AGPAT5: variants seen among roughly 807,000 people sequenced by gnomAD.
AGPAT5 encodes 1-acylglycerol-3-phosphate O-acyltransferase 5.
AGPAT5 carries 46 observed loss-of-function variants against 45.6 expected under a neutral mutation model. The ratio of observed to expected loss-of-function variants is 1.01; its 90% CI spans 0.80 to 1.29. The LOEUF is 1.29. AGPAT5 is among the 50% of genes most tolerant of loss of function. The pLI is 0.00. For missense variants in AGPAT5, 673 were observed against 450.7 expected (o/e 1.49, Z -4.47); for synonymous variants, 272 against 167.0 (o/e 1.63, Z -4.85).
intron 4 of AGPAT5, among the ~76,000 whole-genome samples, chr8:6,737,894 T>G (rs548049039): frequency 4.6e-5 from 7 of 152,338 alleles, no homozygotes; most frequent in South Asian, 4.1e-4. Context: ...TGCTAGCTTC[T>G]AAGTTTTTTC....
chr8:6,741,431 C>G, intron 4 of AGPAT5, among the ~76,000 whole-genome samples: 1 of 152,204 alleles, frequency 6.6e-6, no homozygotes, highest in African/African-American at 2.4e-5. Context: ...TCATGGCTGA[C>G]CTACCAATGA....
rs1801972207 is a variant in AGPAT5 at position 6,759,845 on chromosome 8, A to G, written c.*2457A>G. ...TTAAGCAGTATATTAGTTTGGTTATATAAATTCATCTGCAATTTATAAGAT... is the reference window on the plus strand; with the variant it reads ...TTAAGCAGTATATTAGTTTGGTTATGTAAATTCATCTGCAATTTATAAGAT... On this transcript the variant is annotated 3_prime_UTR_variant, in exon 8 of 8. Coordinates refer to ENST00000285518, the MANE Select transcript of AGPAT5 (RefSeq NM_018361.5). Among the ~76,000 whole-genome samples, 1 of 152,242 alleles carries G rather than the reference A, an allele frequency of 6.6e-6. No homozygotes were observed. Among genetic ancestry groups the G allele is most frequent in the Non-Finnish European group, 1.5e-5 (1 of 68,036 alleles).
chr8:6,725,799 G>A (rs566289404), intron 2 of AGPAT5, among the ~76,000 whole-genome samples: 15 of 152,220 alleles, frequency 9.9e-5, no homozygotes, highest in Middle Eastern at 3.4e-3. Flanking sequence ...GATCAATATA[G>A]TACTCTTAAG....
At chr8:6,733,882 T>G (rs1800949720) in intron 4 of AGPAT5, among the ~76,000 whole-genome samples, 1 of 152,224 alleles carries the variant, frequency 6.6e-6, no homozygotes, top group African/African-American at 2.4e-5. Context: ...TGGGTGATGT[T>G]GGCATCCTAT....
In AGPAT5 at chr8:6,755,637, T is replaced by G. The variant is rs374736505; in HGVS notation, c.869+463T>G. ...TTTGTTGGAAATAGAAGGGGGCAGT[T>G]GACAGCGTTATATCCAAAGTGTCTT... On this transcript the variant is annotated intron_variant, in intron 7 of 7. Coordinates refer to ENST00000285518, the MANE Select transcript of AGPAT5 (RefSeq NM_018361.5). Among the ~76,000 whole-genome samples, 15 of 152,342 alleles carry G rather than the reference T, an allele frequency of 9.8e-5. No individual in the cohort carries two copies. In the East Asian group the frequency reaches 1.9e-3, roughly 20 times the overall value.
At chr8:6,716,357 G>A (rs780656054) in intron 1 of AGPAT5, among the ~76,000 whole-genome samples, 8 of 151,928 alleles carry the variant, frequency 5.3e-5, no homozygotes, top group South Asian at 2.1e-4. Flanking sequence ...TCAGGCATTC[G>A]AGACCAGTCT....
chr8:6,741,046 A>G (rs1801229958), intron 4 of AGPAT5, among the ~76,000 whole-genome samples: 1 of 152,172 alleles, frequency 6.6e-6, no homozygotes, highest in Non-Finnish European at 1.5e-5. Flanking sequence ...TTGATTACTT[A>G]TTAAACGTCC....
rs756652472 is a variant in AGPAT5, at chr8:6,730,767, C to T, written c.346C>T (p.Arg116Cys). 12 of 1,613,382 alleles carry T rather than the reference C, an allele frequency of 7.4e-6. No individual in the cohort carries two copies. Among genetic ancestry groups the T allele is most frequent in the Admixed American group, 3.3e-5 (2 of 59,958 alleles). The stretch of plus-strand genomic sequence containing the variant: ...CAGGCAGAATGCGCTAGGACATGTG[C>T]GCTACGTGCTGAAAGAAGGGTTAAA... ...AIRQNALGHV[R>C]YVLKEGLKWL... The change falls in exon 3 of 8, where the codon CGC becomes TGC. Residue 116 changes from arginine (R) to cysteine (C), a missense_variant. Transcript: ENST00000285518.
chr8:6,712,133 A>G (rs1800176015), intron 1 of AGPAT5, among the ~76,000 whole-genome samples: 1 of 152,158 alleles, frequency 6.6e-6, no homozygotes, highest in African/African-American at 2.4e-5. Flanking sequence ...TTTACGTATT[A>G]AAGCATTTTG....
rs1170205124 is a variant in AGPAT5 at position 6,760,964 on chromosome 8, A to C, written c.*3576A>C. On this transcript the variant is annotated 3_prime_UTR_variant, in exon 8 of 8. Coordinates refer to ENST00000285518, the MANE Select transcript of AGPAT5 (RefSeq NM_018361.5). ...ATTTACTCAGTTTAGAGTAGCTACA[A>C]CTCTTCGATACTATCATCAATATTT... is the stretch of plus-strand genomic sequence containing the variant. Among the ~76,000 whole-genome samples, 1 of 152,050 alleles carries C rather than the reference A, an allele frequency of 6.6e-6. No homozygotes were observed. The highest frequency in any genetic ancestry group is 1.5e-5 in the Non-Finnish European group (1 of 68,006).
intron 4 of AGPAT5, among the ~76,000 whole-genome samples, chr8:6,733,388 G>A (rs529684993): frequency 1.3e-5 from 2 of 152,288 alleles, no homozygotes; most frequent in East Asian, 1.9e-4. Context: ...GCAGCAGCTG[G>A]AGCTCATGGT....
At position 6,708,725 on chromosome 8, in the gene AGPAT5, C is replaced by T. The variant is rs765104261; in HGVS notation, c.57C>T (p.Val19=). The part of the protein sequence containing the change: ...TYSMRYLLPS[V]VLLGTAPTYV... ...CCATGCGCTACCTGCTGCCCAGCGT[C>T]GTGCTCCTGGGCACGGCGCCCACCT... Residue 19 remains valine (V), a synonymous_variant, in exon 1 of 8, where the codon GTC becomes GTT. Coordinates refer to ENST00000285518, the MANE Select transcript of AGPAT5 (RefSeq NM_018361.5). 10 of 1,607,036 alleles carry T rather than the reference C, an allele frequency of 6.2e-6. No individual in the cohort carries two copies. The highest frequency in any genetic ancestry group is 1.7e-4 in the Middle Eastern group (1 of 6,060).
At chr8:6,743,906 T>C (rs1034048161) in intron 5 of AGPAT5, among the ~76,000 whole-genome samples, 4 of 152,130 alleles carry the variant, frequency 2.6e-5, no homozygotes, top group African/African-American at 9.7e-5. Flanking sequence ...TACCTAGAAT[T>C]TCCATGTTAT....
At chr8:6,721,533 CAGG>C (rs1563285760) in intron 1 of AGPAT5, among the ~76,000 whole-genome samples, 2 of 152,224 alleles carry the variant, frequency 1.3e-5, no homozygotes, top group Admixed American at 6.5e-5. Context: ...ACTACAATCC[CAGG>C]AGGAGTAGTT....
At chr8:6,729,213 C>G (rs1365818708) in intron 2 of AGPAT5, among the ~76,000 whole-genome samples, 4 of 152,134 alleles carry the variant, frequency 2.6e-5, no homozygotes, top group Non-Finnish European at 4.4e-5. Context: ...GATATTCTGA[C>G]TAGTATGGTG....
intron 4 of AGPAT5, chr8:6,738,490 A>G (rs1224003600): frequency 1.3e-5 from 2 of 152,232 alleles, no homozygotes; most frequent in East Asian, 1.9e-4. Context: ...ACAGATCACA[A>G]TAACAGATAT....
intron 4 of AGPAT5, among the ~76,000 whole-genome samples, chr8:6,734,381 G>T (rs1448202108): frequency 6.6e-6 from 1 of 151,348 alleles, no homozygotes; most frequent in Non-Finnish European, 1.5e-5. Flanking sequence ...TGAGTCTACT[G>T]GTGAGCCAGT....
At chr8:6,708,977 C>G in intron 1 of AGPAT5, 90 bp downstream of exon 1, 1 of 1,263,146 alleles carries the variant, frequency 7.9e-7, no homozygotes, top group South Asian at 1.3e-5. Context: ...GCGAGGGTCA[C>G]CCGGCCGGCC....
intron 1 of AGPAT5, among the ~76,000 whole-genome samples, chr8:6,710,756 A>G (rs1379085502): frequency 6.6e-6 from 1 of 152,210 alleles, no homozygotes; most frequent in East Asian, 1.9e-4. Flanking sequence ...CAATAGAGGA[A>G]TAAATAGCTA....
Sources: allele counts gnomAD v4.1 joint callset (sites outside exome capture counted in the v4.1 genomes callset), GRCh38; gene constraint gnomAD v4.1.1; transcripts MANE v1.5; gene names NCBI Gene and HGNC (gene_info 2026-07-23, HGNC 2026-07-21).